Variants in LAMA4 observed in about 807,000 individuals in gnomAD.
LAMA4 encodes laminin subunit alpha-4.
In LAMA4, 127 loss-of-function variants were observed where a neutral mutation model predicts 207.1. The ratio of observed to expected loss-of-function variants is 0.61; its 90% CI spans 0.53 to 0.71. The LOEUF (loss-of-function observed/expected upper bound fraction) is 0.71, where lower values mean the gene tolerates loss of function less well. LAMA4 is among the 30% of genes least tolerant of loss of function. The pLI is 0.00. For synonymous variants in LAMA4, 761 were observed against 816.0 expected (o/e 0.93, Z 1.15); for missense variants, 2,093 against 2,246.5 (o/e 0.93, Z 1.38).
intron 12 of LAMA4, chr6:112,172,238 T>C (rs1781758048): frequency 4.1e-6 from 1 of 246,818 alleles, no homozygotes; most frequent in Non-Finnish European, 8.0e-6. Context: ...GATTTGCTTA[T>C]CGTGCCTTTC....
intron 2 of LAMA4, among the ~76,000 whole-genome samples, chr6:112,253,023 A>G (rs1216741881): frequency 6.6e-6 from 1 of 152,262 alleles, no homozygotes; most frequent in East Asian, 1.9e-4. Flanking sequence ...TCATAGCAAT[A>G]ATCCATGCAT....
At chr6:112,245,123 A>G (rs1309409728) in intron 2 of LAMA4, among the ~76,000 whole-genome samples, 2 of 152,314 alleles carry the variant, frequency 1.3e-5, no homozygotes, top group African/African-American at 4.8e-5. Context: ...GATAGCAGGA[A>G]AAGAGGTAAC....
chr6:112,230,928 T>C (rs1323262020), intron 2 of LAMA4, among the ~76,000 whole-genome samples: 4 of 152,212 alleles, frequency 2.6e-5, no homozygotes, highest in Admixed American at 6.5e-5. Flanking sequence ...AAGCAACTTG[T>C]TGAAAGCTGT....
intron 29 of LAMA4, chr6:112,130,292 C>A: frequency 2.1e-5 from 10 of 473,082 alleles, no homozygotes; most frequent in Admixed American, 1.0e-4. Flanking sequence ...TAGTCATCAG[C>A]ATTATTTTTG....
At chr6:112,132,092 T>G (rs1779068803) in intron 28 of LAMA4, among the ~76,000 whole-genome samples, 1 of 152,156 alleles carries the variant, frequency 6.6e-6, no homozygotes, top group African/African-American at 2.4e-5. Flanking sequence ...CTTGAGAATT[T>G]TTGTGCCAGA....
chr6:112,245,690 C>T (rs1554188514), intron 2 of LAMA4, among the ~76,000 whole-genome samples: 1 of 152,008 alleles, frequency 6.6e-6, no homozygotes, highest in South Asian at 2.1e-4. Flanking sequence ...GCTAATGCAG[C>T]TGTTAATGTT....
chr6:112,249,441 CAAAAAAAAAA>C (rs71762704), intron 2 of LAMA4, among the ~76,000 whole-genome samples: 56 of 52,756 alleles, frequency 1.1e-3, no homozygotes, highest in Non-Finnish European at 1.8e-3. Flanking sequence ...GACTCTGTTT[CAAAAAAAAAA>C]AAAAAAAAAA....
intron 3 of LAMA4, among the ~76,000 whole-genome samples, chr6:112,208,648 G>A (rs2237247): frequency 0.19 from 29,580 of 152,074 alleles, 3,407 homozygotes; most frequent in East Asian, 0.44. Context: ...ACAAACAGTA[G>A]TAAAATGAAT....
At chr6:112,176,799 A>T (rs972416560) in intron 10 of LAMA4, among the ~76,000 whole-genome samples, 5 of 152,188 alleles carry the variant, frequency 3.3e-5, no homozygotes, top group Non-Finnish European at 7.3e-5. Flanking sequence ...TGGTTTTTGG[A>T]GACGATTCAC....
intron 12 of LAMA4, chr6:112,166,435 C>T (rs1205193735): frequency 1.3e-5 from 2 of 152,188 alleles, no homozygotes; most frequent in African/African-American, 2.4e-5. Flanking sequence ...AAAAGCAATA[C>T]TGTAAAATAT....
chr6:112,226,767 C>G (rs928628371), intron 2 of LAMA4, among the ~76,000 whole-genome samples: 4 of 152,104 alleles, frequency 2.6e-5, no homozygotes, highest in African/African-American at 7.2e-5. Context: ...CTTTGGAGAG[C>G]AATTAGGCAA....
At position 112,139,208 on chromosome 6, in the gene LAMA4, C is replaced by T; in HGVS notation, c.3194G>A (p.Arg1065Lys). 3 of 1,614,180 alleles carry T rather than the reference C, an allele frequency of 1.9e-6. No individual in the cohort carries two copies. Among genetic ancestry groups the T allele is most frequent in the South Asian group, 1.1e-5 (1 of 91,078 alleles). ...SGYAVVRDIT[R>K]RGKFGQVTRF... ...AGTCACCTGACCAAATTTCCCTCTC[C>T]TTGTGATGTCTCTCACCACGGCATA... Residue 1065 changes from arginine (R) to lysine (K), a missense_variant, in exon 24 of 39, where the codon AGG becomes AAG. Coordinates refer to ENST00000230538, the MANE Select transcript of LAMA4 (RefSeq NM_001105206.3).
chr6:112,202,821 G>A (rs1386809575), intron 4 of LAMA4, among the ~76,000 whole-genome samples: 2 of 152,106 alleles, frequency 1.3e-5, no homozygotes, highest in Admixed American at 6.5e-5. Context: ...AGGAACCCGC[G>A]CTTCCATCTT....
chr6:112,121,889 G>A lies in LAMA4; in HGVS notation c.4475+125C>T, dbSNP rs7763664. ...CATGTACTATTTAGTGTTTATTTTG[G>A]TGATAACATAATAGGATTAAGGTGG... On this transcript the variant is annotated intron_variant, in intron 32 of 38. Transcript: ENST00000230538. 15,263 of 798,858 alleles carry A rather than the reference G, an allele frequency of 0.019. 1,448 individuals carry two copies. The African/African-American group carries it at 0.22, about 11-fold the overall frequency. 49.5% of individuals were successfully genotyped at this position (798,858 alleles called of 1,614,324 possible). A position where few individuals can be genotyped will look rare whatever the true frequency, so the allele number is the denominator to read the frequency against.
intron 3 of LAMA4, among the ~76,000 whole-genome samples, chr6:112,210,882 A>C (rs1351245226): frequency 6.6e-6 from 1 of 152,142 alleles, no homozygotes; most frequent in Non-Finnish European, 1.5e-5. Flanking sequence ...TATTATTGCT[A>C]TTTTCAAATG....
Position 112,130,300 on chromosome 6 carries a change from TTGTGTGTGTGTGTG to T in LAMA4, c.3969-274_3969-261del, listed in dbSNP as rs35563593. On this transcript the variant is annotated intron_variant, in intron 29 of 38. Transcript: ENST00000230538. ...AGATGACTAGTCATCAGCATTATTT[TTGTGTGTGTGTGTG>T]TGTGTGTGTGTGTGTGTGTGTGTAT... is the stretch of plus-strand genomic sequence containing the variant. 573 of 382,228 alleles carry T rather than the reference TTGTGTGTGTGTGTG, an allele frequency of 1.5e-3. 2 individuals are homozygous for T. The highest frequency in any genetic ancestry group is 2.2e-3 in the Non-Finnish European group (456 of 204,310). 23.7% of individuals were successfully genotyped at this position (382,228 alleles called of 1,614,324 possible).
chr6:112,160,367 C>T (rs1307101518), intron 13 of LAMA4, among the ~76,000 whole-genome samples: 1 of 152,082 alleles, frequency 6.6e-6, no homozygotes, highest in South Asian at 2.1e-4. Context: ...CTTGGTAACC[C>T]CGTTATTCAT....
chr6:112,190,947 C>CTTTCCTTTCTTTCTTTCTTT (rs1491586717), intron 6 of LAMA4, among the ~76,000 whole-genome samples: 20 of 40,480 alleles, frequency 4.9e-4, no homozygotes, highest in African/African-American at 8.7e-4. Context: ...TTCTTTCTTT[C>CTTTCCTTTCTTTCTTTCTTT]CTTTCTTTCT....
intron 4 of LAMA4, among the ~76,000 whole-genome samples, chr6:112,204,474 C>CA (rs11287023): frequency 0.018 from 2,447 of 135,868 alleles, 45 homozygotes; most frequent in African/African-American, 0.047. Context: ...CTGCTACTGC[C>CA]AAAAAAAAAA....
Sources: allele counts gnomAD v4.1 joint callset (sites outside exome capture counted in the v4.1 genomes callset), GRCh38; gene constraint gnomAD v4.1.1; transcripts MANE v1.5; gene names NCBI Gene and HGNC (gene_info 2026-07-23, HGNC 2026-07-21).